MPHOSPH8: variants seen among roughly 807,000 people sequenced by gnomAD.
The protein encoded by MPHOSPH8 is M-phase phosphoprotein, mpp.
MPHOSPH8 carries 45 observed loss-of-function variants against 87.3 expected under a neutral mutation model. That is an observed-to-expected ratio of 0.52 (90% CI 0.41 to 0.66). The LOEUF (loss-of-function observed/expected upper bound fraction) is 0.66. Among genes scored for constraint, MPHOSPH8 ranks in the 30% least tolerant of loss-of-function variants. The probability of loss-of-function intolerance (pLI) is 0.00; values close to 1 mark genes in which losing one functional copy is unlikely to be tolerated. For synonymous variants in MPHOSPH8, 366 were observed against 376.9 expected (o/e 0.97, Z 0.33); for missense variants, 883 against 1,020.2 (o/e 0.87, Z 1.83).
At chr13:19,639,082 C>CA (rs201170839) in intron 1 of MPHOSPH8, among the ~76,000 whole-genome samples, 98,833 of 132,988 alleles carry the variant, frequency 0.74, 38,427 homozygotes, top group East Asian at 0.88. Context: ...GACTCCGTCT[C>CA]AAAAAAAAAA....
chr13:19,662,879 G>GA (rs1367172682), intron 8 of MPHOSPH8, among the ~76,000 whole-genome samples, 161 bp from the exon 9 acceptor site: 3 of 152,232 alleles, frequency 2.0e-5, no homozygotes, highest in Admixed American at 6.5e-5. Flanking sequence ...CCTCTGTGGG[G>GA]CGGGGTGCAC....
rs1440173956 is a variant in MPHOSPH8, at chr13:19,633,846, T to C, written c.98T>C (p.Val33Ala). ...GCCGAAGTCGAAGAAGGAGTTGGAG[T>C]AGTGGGCGAAGATAATGACGCAGCC... ...ELAEVEEGVG[V>A]VGEDNDAAAR... Residue 33 changes from valine to alanine, a missense_variant, in exon 1 of 14, where the codon GTA becomes GCA. By Grantham distance (64) the Val-to-Ala change is moderately conservative. Coordinates refer to ENST00000361479, the MANE Select transcript of MPHOSPH8 (RefSeq NM_017520.4). The C allele has an allele frequency of 3.1e-6, 5 of 1,610,232 alleles. No homozygotes were observed. Among genetic ancestry groups the C allele is most frequent in the Non-Finnish European group, 4.2e-6 (5 of 1,178,776 alleles).
At chr13:19,643,952 T>C (rs975059932) in intron 2 of MPHOSPH8, among the ~76,000 whole-genome samples, 9 of 152,330 alleles carry the variant, frequency 5.9e-5, no homozygotes, top group African/African-American at 2.2e-4. Flanking sequence ...CCTCATTTAC[T>C]AAATCTTACA....
At chr13:19,648,726 C>G (rs1026297786) in intron 4 of MPHOSPH8, among the ~76,000 whole-genome samples, 4 of 151,684 alleles carry the variant, frequency 2.6e-5, no homozygotes, top group Non-Finnish European at 5.9e-5. Context: ...GTTTTTATAG[C>G]AAGATGCTAA....
chr13:19,654,411 G>T (rs768358333), intron 5 of MPHOSPH8, among the ~76,000 whole-genome samples: 4 of 152,120 alleles, frequency 2.6e-5, no homozygotes, highest in African/African-American at 4.8e-5. Context: ...AACTGCCATG[G>T]CACGTGTATG....
chr13:19,668,668 A>C, intron 11 of MPHOSPH8, 137 bp downstream of exon 11: 1 of 962,338 alleles, frequency 1.0e-6, no homozygotes, highest in Non-Finnish European at 1.5e-6. Context: ...ACCGGTTAAC[A>C]GTAGAGCCAC....
In MPHOSPH8 at chr13:19,671,090, T is replaced by C. The variant is rs1876100827; in HGVS notation, c.2458-116T>C. ...CCGCCTTGGCCTCCTCCACAACATC[T>C]TGACTTATGAAATAAAAAATAAAAC... On this transcript the variant is annotated intron_variant, in intron 12 of 13. Coordinates refer to ENST00000361479, the MANE Select transcript of MPHOSPH8 (RefSeq NM_017520.4). 2.7e-6 allele frequency: 4 copies of C among 1,477,430 alleles called. No homozygotes were observed. In the Middle Eastern group the frequency reaches 9.3e-4, roughly 342 times the overall value. The allele number at this position is 1,477,430 out of a possible 1,614,324, so 91.5% of individuals were successfully genotyped here.
chr13:19,673,323 C>A lies in MPHOSPH8; in HGVS notation c.*1448C>A, dbSNP rs1876262591. The A allele has an allele frequency of 1.0e-5, 3 of 296,526 alleles. No homozygotes were observed. The highest frequency in any genetic ancestry group is 4.2e-5 in the Admixed American group (1 of 23,960). The allele number at this position is 296,526 out of a possible 1,614,324, so 18.4% of individuals were successfully genotyped here. A position where few individuals can be genotyped will look rare whatever the true frequency, so the allele number is the denominator to read the frequency against. On this transcript the variant is annotated 3_prime_UTR_variant, in exon 14 of 14. Transcript: ENST00000361479. ...CATTAGTTTATAATTGTATGAAATA[C>A]GATTTTAATGAAAACTTTTCAGAAT...
chr13:19,662,362 C>G (rs1875589321), intron 8 of MPHOSPH8, among the ~76,000 whole-genome samples: 1 of 152,068 alleles, frequency 6.6e-6, no homozygotes, highest in Non-Finnish European at 1.5e-5. Flanking sequence ...TGGACTCAAG[C>G]AATCCTCTCG....
chr13:19,646,984 T>C lies in MPHOSPH8; in HGVS notation c.911T>C (p.Met304Thr). Residue 304 changes from methionine (M) to threonine (T), a missense_variant, in exon 3 of 14, where the codon ATG becomes ACG. Coordinates refer to ENST00000361479, the MANE Select transcript of MPHOSPH8 (RefSeq NM_017520.4). ...KSARERAGQD[M>T]GLEHGFEKPL... is the part of the protein sequence containing the mutation. ...GCAAGAGAGAGAGCAGGGCAGGACA[T>C]GGGGCTGGAGCATGGCTTTGAGAAG... The C allele has an allele frequency of 6.3e-7, 1 of 1,593,782 alleles. No homozygotes were observed. The highest frequency in any genetic ancestry group is 8.5e-7 in the Non-Finnish European group (1 of 1,174,794).
chr13:19,666,347 A>C (rs1875813279), intron 9 of MPHOSPH8, 78 bp from the exon 10 acceptor site: 1 of 1,408,200 alleles, frequency 7.1e-7, no homozygotes, highest in Admixed American at 1.9e-5. Flanking sequence ...AGAACCGCTA[A>C]GCATGTATGG....
intron 2 of MPHOSPH8, among the ~76,000 whole-genome samples, chr13:19,644,883 GTTTT>G (rs900020795): frequency 2.6e-5 from 4 of 152,058 alleles, no homozygotes; most frequent in African/African-American, 9.7e-5. Context: ...ATGCTCCAAA[GTTTT>G]TGTTTGTTTT....
intron 5 of MPHOSPH8, 83 bp downstream of exon 5, chr13:19,650,343 C>G: frequency 7.0e-7 from 1 of 1,427,142 alleles, no homozygotes; most frequent in Non-Finnish European, 9.5e-7. Flanking sequence ...TTTCTGATCT[C>G]AACGATCAAA....
At chr13:19,667,862 C>T (rs1248834139) in intron 10 of MPHOSPH8, among the ~76,000 whole-genome samples, 1 of 152,124 alleles carries the variant, frequency 6.6e-6, no homozygotes, top group Non-Finnish European at 1.5e-5. Context: ...CAGAAACTTG[C>T]ATGTATCAGA....
rs10531847 is a variant in MPHOSPH8 at position 19,673,098 on chromosome 13, GT to G, written c.*1235del. 0.05 allele frequency: 18,555 copies of G among 373,440 alleles called. 422 individuals are homozygous for G. The highest frequency in any genetic ancestry group is 0.14 in the African/African-American group (6,045 of 44,342). The allele number at this position is 373,440 out of a possible 1,614,324, so 23.1% of individuals were successfully genotyped here. A position where few individuals can be genotyped will look rare whatever the true frequency, so the allele number is the denominator to read the frequency against. On this transcript the variant is annotated 3_prime_UTR_variant, in exon 14 of 14. Transcript: ENST00000361479. ...CTTGGAACCTATACGGTTTTTTTTT[GT>G]TTTTTTTTTTTGAAAAGCCAGACCT...
At position 19,671,978 on chromosome 13, in the gene MPHOSPH8, G is replaced by C. The variant is rs1416201435; in HGVS notation, c.*103G>C. On this transcript the variant is annotated 3_prime_UTR_variant, in exon 14 of 14. Transcript: ENST00000361479. ...AGCACATCTATGTAAAGTTTTGTCT[G>C]TAAACCTCTTGCAGTTAAGCCTGTT... 4 of 1,217,258 alleles carry C rather than the reference G, an allele frequency of 3.3e-6. No individual in the cohort carries two copies. The highest frequency in any genetic ancestry group is 4.8e-6 in the Non-Finnish European group (4 of 833,972). The allele number at this position is 1,217,258 out of a possible 1,614,324, so 75.4% of individuals were successfully genotyped here. A position where few individuals can be genotyped will look rare whatever the true frequency, so the allele number is the denominator to read the frequency against.
In MPHOSPH8 at chr13:19,650,085, A is replaced by G; in HGVS notation, c.1401A>G (p.Lys467=). The G allele has an allele frequency of 6.2e-7, 1 of 1,613,378 alleles. No individual in the cohort carries two copies. The highest frequency in any genetic ancestry group is 8.5e-7 in the Non-Finnish European group (1 of 1,179,692). ...EKNDVSENNR[K]REEIPLDFKT... ...ATGATGTTTCTGAGAATAATCGGAA[A>G]AGGGAAGAAATACCACTGGATTTTA... Residue 467 remains lysine (K), a synonymous_variant, in exon 5 of 14, where the codon AAA becomes AAG. Coordinates refer to ENST00000361479, the MANE Select transcript of MPHOSPH8 (RefSeq NM_017520.4).
intron 5 of MPHOSPH8, among the ~76,000 whole-genome samples, chr13:19,656,058 G>A (rs1054776915): frequency 2.0e-5 from 3 of 151,854 alleles, no homozygotes; most frequent in South Asian, 2.1e-4. Context: ...ACGAGATCGC[G>A]CCATTGTACT....
intron 1 of MPHOSPH8, among the ~76,000 whole-genome samples, chr13:19,638,440 C>G (rs1874114621): frequency 6.6e-6 from 1 of 151,798 alleles, no homozygotes; most frequent in African/African-American, 2.4e-5. Context: ...TGGTGAAACC[C>G]CGTCTCTACT....
Sources: allele counts gnomAD v4.1 joint callset (sites outside exome capture counted in the v4.1 genomes callset), GRCh38; gene constraint gnomAD v4.1.1; transcripts MANE v1.5; gene names NCBI Gene and HGNC (gene_info 2026-07-23, HGNC 2026-07-21).